Variants in ZFYVE28 observed in about 807,000 individuals in gnomAD.
ZFYVE28 encodes lateral signaling target protein 2 homolog.
In ZFYVE28, 40 loss-of-function variants were observed where a neutral mutation model predicts 82.1. The observed-to-expected ratio is 0.49, with a 90% CI of 0.38 to 0.63. The LOEUF is 0.63. Ranked by LOEUF, ZFYVE28 falls within the 30% of genes least tolerant of loss-of-function variation. ZFYVE28 has a pLI of 0.00. For synonymous variants in ZFYVE28, 612 were observed against 546.1 expected, an observed-to-expected ratio of 1.12 and a Z score of -1.68; for missense variants, 1,321 against 1,242.1, an observed-to-expected ratio of 1.06 and a Z score of -0.96.
At chr4:2,337,339 C>T (rs1327629659) in intron 5 of ZFYVE28, 68 bp downstream of exon 5, 2 of 1,432,518 alleles carry the variant, frequency 1.4e-6, no homozygotes, top group Non-Finnish European at 1.9e-6. Flanking sequence ...TGCCCTCTGC[C>T]CCGGGCCTGG....
In ZFYVE28 at chr4:2,271,593, C is replaced by T. The variant is rs1451826167; in HGVS notation, c.2428+82G>A. On this transcript the variant is annotated intron_variant, in intron 11 of 12. Coordinates refer to ENST00000290974, the MANE Select transcript of ZFYVE28 (RefSeq NM_020972.3). Reference sequence around the variant, plus strand: ...CCGGACAGGGTGGCCTGCAGCCCCTCCCCCAGGAGGAAGGCTCCTGTGGCT... The same window carrying T: ...CCGGACAGGGTGGCCTGCAGCCCCTTCCCCAGGAGGAAGGCTCCTGTGGCT... The T allele has an allele frequency of 2.6e-5, 39 of 1,501,000 alleles. No homozygotes were observed. The South Asian group carries it at 4.4e-4, about 17-fold the overall frequency. 93.0% of individuals were successfully genotyped at this position (1,501,000 alleles called of 1,614,324 possible). A position where few individuals can be genotyped will look rare whatever the true frequency, so the allele number is the denominator to read the frequency against.
intron 1 of ZFYVE28, among the ~76,000 whole-genome samples, chr4:2,361,679 C>A (rs1726178522): frequency 6.6e-6 from 1 of 152,154 alleles, no homozygotes; most frequent in South Asian, 2.1e-4. Flanking sequence ...ATGGCCAAGA[C>A]CACATCGCTG....
At position 2,335,999 on chromosome 4, in the gene ZFYVE28, C is replaced by T. The variant is rs138810669; in HGVS notation, c.612-205G>A. 5.6e-3 allele frequency among the ~76,000 whole-genome samples: 849 copies of T among 152,314 alleles called. 9 individuals carry two copies. Among genetic ancestry groups the T allele is most frequent in the African/African-American group, 0.02 (819 of 41,564 alleles). On this transcript the variant is annotated intron_variant, in intron 5 of 12. Coordinates refer to ENST00000290974, the MANE Select transcript of ZFYVE28 (RefSeq NM_020972.3). This position sits in a 1 kb window ranked among gnomAD's most constrained non-coding sequence, Gnocchi z 5.8. ...AAAAGGCCACACACTTCCCTAAATG[C>T]CCTGGCAGGTGGCTCCAGCTTGACC... is the stretch of plus-strand genomic sequence containing the variant.
intron 3 of ZFYVE28, among the ~76,000 whole-genome samples, chr4:2,340,654 A>G (rs1333676096): frequency 6.6e-6 from 1 of 152,070 alleles, no homozygotes; most frequent in African/African-American, 2.4e-5. Context: ...GGCACAGAAC[A>G]CGCTCCATCT....
chr4:2,283,318 C>G (rs559320312), intron 8 of ZFYVE28, among the ~76,000 whole-genome samples: 106 of 149,040 alleles, frequency 7.1e-4, no homozygotes, highest in Middle Eastern at 3.5e-3. Context: ...CATCCACCCA[C>G]CCATCTACCC....
Position 2,341,538 on chromosome 4 carries a change from G to A in ZFYVE28, c.258C>T (p.Val86=), listed in dbSNP as rs1008102917. Residue 86 remains valine (V), a synonymous_variant, in exon 3 of 13, where the codon GTC becomes GTT. Transcript: ENST00000290974. The surrounding 1 kb of genome is among the most constrained non-coding windows in gnomAD (Gnocchi z 4.5). ...CGTGCCGGATCTCCTCAGGGAACTTGACGCAGAAATCTCTGGGGGCGCGGT... is the reference window on the plus strand; with the variant it reads ...CGTGCCGGATCTCCTCAGGGAACTTAACGCAGAAATCTCTGGGGGCGCGGT... The part of the protein sequence containing the change: ...PQDRAPRDFC[V]KFPEEIRHDN... 33 of 1,614,092 alleles carry A rather than the reference G, an allele frequency of 2.0e-5. No homozygotes were observed. Among genetic ancestry groups the A allele is most frequent in the Non-Finnish European group, 2.7e-5 (32 of 1,180,014 alleles).
intron 7 of ZFYVE28, among the ~76,000 whole-genome samples, chr4:2,316,001 CCCG>C (rs1718157157): frequency 6.6e-6 from 1 of 151,918 alleles, no homozygotes; most frequent in Admixed American, 6.6e-5. Context: ...TTTTTTCCTG[CCCG>C]AGCTTCAGTT....
At chr4:2,399,083 A>AGGTAAGATCCAGGGCACAAGCGTGG (rs1297197658) in intron 1 of ZFYVE28, among the ~76,000 whole-genome samples, 5 of 117,502 alleles carry the variant, frequency 4.3e-5, no homozygotes, top group Non-Finnish European at 8.6e-5. Context: ...CACAAGCGTG[A>AGGTAAGATCCAGGGCACAAGCGTGG]AGGTGAGATC....
At chr4:2,367,095 G>A (rs1029424712) in intron 1 of ZFYVE28, among the ~76,000 whole-genome samples, 22 of 152,302 alleles carry the variant, frequency 1.4e-4, no homozygotes, top group African/African-American at 3.1e-4. Context: ...ATAAAGAAAC[G>A]AATGAACTGC....
chr4:2,415,815 T>C (rs1333194795), intron 1 of ZFYVE28, among the ~76,000 whole-genome samples: 1 of 152,222 alleles, frequency 6.6e-6, no homozygotes, highest in Non-Finnish European at 1.5e-5. Flanking sequence ...TGACATAACA[T>C]ACTCCGACCC....
chr4:2,295,336 A>ATT (rs11308959), intron 8 of ZFYVE28, among the ~76,000 whole-genome samples: 1 of 145,238 alleles, frequency 6.9e-6, no homozygotes, highest in African/African-American at 2.6e-5. Flanking sequence ...TAAATTTTGT[A>ATT]TTTTTTTTTT....
At chr4:2,271,285 C>G in intron 12 of ZFYVE28, 26 bp downstream of exon 12, 1 of 1,606,292 alleles carries the variant, frequency 6.2e-7, no homozygotes, top group Non-Finnish European at 8.5e-7. Context: ...TGCTGAGGGA[C>G]CCTCCGTGCA....
chr4:2,401,949 G>A (rs147840293), intron 1 of ZFYVE28, among the ~76,000 whole-genome samples: 483 of 152,356 alleles, frequency 3.2e-3, no homozygotes, highest in South Asian at 4.6e-3. Context: ...CCCCGTGTGC[G>A]TGGTGGTGGC....
At chr4:2,384,043 C>T (rs1005539371) in intron 1 of ZFYVE28, among the ~76,000 whole-genome samples, 4 of 152,180 alleles carry the variant, frequency 2.6e-5, no homozygotes, top group African/African-American at 9.7e-5. Flanking sequence ...TTGAGGAAGA[C>T]AGGCAAGAGG....
At chr4:2,282,600 C>A (rs887215394) in intron 8 of ZFYVE28, among the ~76,000 whole-genome samples, 1 of 152,196 alleles carries the variant, frequency 6.6e-6, no homozygotes, top group African/African-American at 2.4e-5. Flanking sequence ...AAGACCATAG[C>A]AAAGCCCAAA....
chr4:2,302,847 G>A (rs1337207449), intron 8 of ZFYVE28, among the ~76,000 whole-genome samples: 5 of 152,226 alleles, frequency 3.3e-5, no homozygotes, highest in South Asian at 2.1e-4. Context: ...TCTGGTGGAC[G>A]AAGCCGGACC....
chr4:2,330,265 G>T, intron 6 of ZFYVE28: 1 of 988,962 alleles, frequency 1.0e-6, no homozygotes, highest in Middle Eastern at 5.2e-4. Flanking sequence ...ATAGGGTAAT[G>T]AATTTTATCT....
chr4:2,370,139 C>T (rs968079983), intron 1 of ZFYVE28, among the ~76,000 whole-genome samples: 5 of 151,994 alleles, frequency 3.3e-5, no homozygotes, highest in Admixed American at 6.6e-5. Flanking sequence ...TGAACCAACA[C>T]GCCCGGCCGA....
intron 6 of ZFYVE28, chr4:2,329,039 C>G: frequency 1.5e-6 from 1 of 681,636 alleles, no homozygotes; most frequent in South Asian, 1.5e-5. Flanking sequence ...GTTTTGAAAT[C>G]AGGACGTATG....
Sources: gnomAD v4.1 joint callset for allele counts (sites outside exome capture counted in the v4.1 genomes callset) on GRCh38, gnomAD v4.1.1 for gene constraint, Gnocchi (gnomAD v3.1) non-coding constraint, MANE v1.5 for transcripts, NCBI Gene and HGNC (gene_info 2026-07-23, HGNC 2026-07-21) for gene names.